PPP1R11: variants seen among roughly 807,000 people sequenced by gnomAD.
The protein encoded by PPP1R11 is protein phosphatase 1 regulatory inhibitor subunit 11, also known as E3 ubiquitin-protein ligase PPP1R11.
In PPP1R11, 10 loss-of-function variants were observed where a neutral mutation model predicts 11.3. The observed-to-expected ratio is 0.88, with a 90% CI of 0.55 to 1.50. The LOEUF (loss-of-function observed/expected upper bound fraction) is 1.50, where lower values mean the gene tolerates loss of function less well. Ranked by LOEUF, PPP1R11 falls within the 40% of genes most tolerant of loss-of-function variation. The pLI, the probability that PPP1R11 is intolerant of heterozygous loss-of-function variation, is 0.00. For missense variants in PPP1R11, 114 were observed against 179.1 expected (o/e 0.64, Z 2.07); for synonymous variants, 56 against 62.3 (o/e 0.90, Z 0.48).
chr6:30,065,781 A>G (rs1765475330), upstream of PPP1R11, among the ~76,000 whole-genome samples: 1 of 152,098 alleles, frequency 6.6e-6, no homozygotes, highest in South Asian at 2.1e-4. The surrounding 1 kb of genome is among the most constrained non-coding windows in gnomAD (Gnocchi z 5.3). Flanking sequence ...GCTTGTGTAT[A>G]TGTATGTGGC....
At chr6:30,061,380 G>C in the PPP1R11 span, 1 of 874,058 alleles carries the variant, frequency 1.1e-6, no homozygotes, top group African/African-American at 1.7e-5. The surrounding 1 kb of genome is among the most constrained non-coding windows in gnomAD (Gnocchi z 5.0). Context: ...TCGGCTCCTT[G>C]GTCGCAGAGG....
intron 1 of PPP1R11, chr6:30,067,687 G>A: frequency 3.4e-6 from 2 of 588,466 alleles, no homozygotes; most frequent in Non-Finnish European, 3.0e-6. Context: ...ACTTGTAATA[G>A]GGAGGTACAG....
At position 30,069,200 on chromosome 6, in the gene PPP1R11, G is replaced by A. The variant is rs754938742; in HGVS notation, c.275G>A (p.Arg92His). 25 of 1,612,732 alleles carry A rather than the reference G, an allele frequency of 1.6e-5. No individual in the cohort carries two copies. The highest frequency in any genetic ancestry group is 1.9e-5 in the Non-Finnish European group (23 of 1,179,802). The change falls in exon 3 of 3, where the codon CGT becomes CAT. Residue 92 changes from arginine to histidine, a missense_variant. Arg to His is a conservative substitution (Grantham distance 29). Transcript: ENST00000376772. This position sits in a 1 kb window ranked among gnomAD's most constrained non-coding sequence, Gnocchi z 6.6. ...GGCTGTGGTCATACACACTGTGTAC[G>A]TGGCCACCGCAAAGGACGGCGTCGT... ...EEGCGHTHCV[R>H]GHRKGRRRAT...
chr6:30,064,631 T>C, upstream of PPP1R11: 1 of 1,585,232 alleles, frequency 6.3e-7, no homozygotes, highest in Non-Finnish European at 8.6e-7. Context: ...TACTAGAAAC[T>C]CATCTTTTGG....
At chr6:30,064,992 G>C, upstream of PPP1R11, 1 of 319,962 alleles carries the variant, frequency 3.1e-6, no homozygotes, top group East Asian at 5.1e-5. Context: ...AAAAGAAAAG[G>C]GGGAAAAATT....
chr6:30,062,217 T>G (rs771201250), upstream of PPP1R11: 1 of 1,611,350 alleles, frequency 6.2e-7, no homozygotes, highest in East Asian at 2.2e-5. Flanking sequence ...CACCAGTTTC[T>G]TCCCAGGTTG....
upstream of PPP1R11, chr6:30,064,542 G>C (rs11752321): frequency 0.018 from 12,326 of 685,642 alleles, 446 homozygotes; most frequent in East Asian, 0.089. Flanking sequence ...TTGGAAGTTT[G>C]TTTAGGGGAG....
At chr6:30,065,346 T>C (rs945037992), upstream of PPP1R11, among the ~76,000 whole-genome samples, 1 of 152,186 alleles carries the variant, frequency 6.6e-6, no homozygotes, top group Non-Finnish European at 1.5e-5. The surrounding 1 kb of genome is among the most constrained non-coding windows in gnomAD (Gnocchi z 5.3). Context: ...ACCCATAAGA[T>C]AGCAGCACAT....
rs1765743322 is a variant in PPP1R11, at chr6:30,069,128, G to A, written c.203G>A (p.Arg68Gln). The A allele has an allele frequency of 3.1e-6, 5 of 1,611,276 alleles. No individual in the cohort carries two copies. Among genetic ancestry groups the A allele is most frequent in the South Asian group, 1.1e-5 (1 of 91,032 alleles). ...GGCTGCTGTATTTATGAGAAACCTC[G>A]GGCCTTTGGCGAGAGCTCCACGGAA... ...SKCCCIYEKP[R>Q]AFGESSTESD... Residue 68 changes from arginine to glutamine, a missense_variant, in exon 3 of 3, where the codon CGG (arginine) becomes CAG (glutamine). Arg to Gln is a conservative substitution (Grantham distance 43). Coordinates refer to ENST00000376772, the MANE Select transcript of PPP1R11 (RefSeq NM_021959.3). The surrounding 1 kb of genome is among the most constrained non-coding windows in gnomAD (Gnocchi z 6.6).
At chr6:30,068,882 G>T (rs981127789) in intron 2 of PPP1R11, among the ~76,000 whole-genome samples, 184 bp downstream of exon 2, 54 of 152,156 alleles carry the variant, frequency 3.5e-4, no homozygotes, top group African/African-American at 1.2e-3. Flanking sequence ...GCCTAGGTCT[G>T]ACAGCAAGAA....
At chr6:30,064,837 A>G, upstream of PPP1R11, 8 of 655,322 alleles carry the variant, frequency 1.2e-5, no homozygotes, top group Non-Finnish European at 2.0e-5. Context: ...GGGGATTACC[A>G]TTGTTCCTGG....
the PPP1R11 span, chr6:30,061,321 G>T: frequency 1.9e-6 from 1 of 527,192 alleles, no homozygotes; most frequent in Non-Finnish European, 3.3e-6. The surrounding 1 kb of genome is among the most constrained non-coding windows in gnomAD (Gnocchi z 5.0). Context: ...CCCCTGGAAA[G>T]GGTTCCAAGT....
upstream of PPP1R11, chr6:30,061,842 C>A: frequency 6.4e-7 from 1 of 1,572,524 alleles, no homozygotes. The surrounding 1 kb of genome is among the most constrained non-coding windows in gnomAD (Gnocchi z 5.0). Flanking sequence ...GCCTAACCAG[C>A]CAGGGGAAAG....
chr6:30,063,452 A>G (rs1765275297), upstream of PPP1R11, among the ~76,000 whole-genome samples: 1 of 151,550 alleles, frequency 6.6e-6, no homozygotes, highest in South Asian at 2.1e-4. This position sits in a 1 kb window ranked among gnomAD's most constrained non-coding sequence, Gnocchi z 4.1. Context: ...TTACTTTTCA[A>G]ATCTCCTTAA....
upstream of PPP1R11, chr6:30,061,891 T>C: frequency 2.5e-6 from 4 of 1,607,750 alleles, no homozygotes; most frequent in Non-Finnish European, 3.4e-6. This position sits in a 1 kb window ranked among gnomAD's most constrained non-coding sequence, Gnocchi z 5.0. Context: ...GTTGTCTCCA[T>C]AACCAGTTCT....
At chr6:30,062,577 G>T (rs1227779395), upstream of PPP1R11, among the ~76,000 whole-genome samples, 2 of 116,398 alleles carry the variant, frequency 1.7e-5, no homozygotes, top group African/African-American at 3.3e-5. Flanking sequence ...TTTTGACAGG[G>T]TGTCGCTCTG....
intron 1 of PPP1R11, 75 bp downstream of exon 1, chr6:30,067,554 G>T: frequency 6.5e-7 from 1 of 1,528,644 alleles, no homozygotes; most frequent in Non-Finnish European, 9.1e-7. Context: ...GATTAGAAGA[G>T]TTGTTGGAGG....
upstream of PPP1R11, among the ~76,000 whole-genome samples, chr6:30,062,577 G>A (rs1227779395): frequency 1.7e-5 from 2 of 116,362 alleles, no homozygotes; most frequent in African/African-American, 6.5e-5. Flanking sequence ...TTTTGACAGG[G>A]TGTCGCTCTG....
In PPP1R11 at chr6:30,067,428, TG is replaced by T; in HGVS notation, c.21del (p.Leu8Ter). 6.2e-7 allele frequency: 1 copy of T among 1,614,066 alleles called. No individual in the cohort carries two copies. The highest frequency in any genetic ancestry group is 8.5e-7 in the Non-Finnish European group (1 of 1,180,002). ...CCTTAGCCATGGCCGAGGCAGGGGC[TG>T]GGCTGAGCGAGACCGTCACTGAGAC... is the stretch of plus-strand genomic sequence containing the variant. MAEAGA[G>X]LSETVTETTV... On this transcript the variant is annotated frameshift_variant, in exon 1 of 3. Coordinates refer to ENST00000376772, the MANE Select transcript of PPP1R11 (RefSeq NM_021959.3). LOFTEE classifies it high-confidence loss of function.
Sources: gnomAD v4.1 joint callset for allele counts (sites outside exome capture counted in the v4.1 genomes callset) on GRCh38, gnomAD v4.1.1 for gene constraint, Gnocchi (gnomAD v3.1) non-coding constraint, MANE v1.5 for transcripts, NCBI Gene and HGNC (gene_info 2026-07-23, HGNC 2026-07-21) for gene names.